The following DNM2 variants were observed in gnomAD, a reference collection of about 807,000 sequenced individuals.
DNM2 encodes the protein dynamin 2, also known as dynamin-2.
In DNM2, 15 loss-of-function variants were observed where a neutral mutation model predicts 99.0. The ratio of observed to expected loss-of-function variants is 0.15; its 90% CI spans 0.10 to 0.23. DNM2 has a LOEUF of 0.23. DNM2 is among the 10% of genes least tolerant of loss of function. DNM2 has a pLI of 1.00. For missense variants in DNM2, 742 were observed against 1,189.4 expected, an observed-to-expected ratio of 0.62 and a Z score of 5.53; for synonymous variants, 525 against 481.2, an observed-to-expected ratio of 1.09 and a Z score of -1.19.
At chr19:10,786,903 C>T (rs537984427) in intron 7 of DNM2, among the ~76,000 whole-genome samples, 197 bp downstream of exon 7, 21 of 152,348 alleles carry the variant, frequency 1.4e-4, no homozygotes, top group African/African-American at 5.1e-4. Context: ...TCCGTCCCTG[C>T]CCCTGGAGTG....
chr19:10,751,121 T>C (rs1012907227), intron 1 of DNM2, among the ~76,000 whole-genome samples: 5 of 148,354 alleles, frequency 3.4e-5, no homozygotes, highest in Non-Finnish European at 7.5e-5. Context: ...AAATGAGGCA[T>C]GGGGGGTGGA....
At chr19:10,750,445 C>T (rs991589327) in intron 1 of DNM2, among the ~76,000 whole-genome samples, 26 of 151,848 alleles carry the variant, frequency 1.7e-4, no homozygotes, top group Non-Finnish European at 2.4e-4. Context: ...TGCCACTGCA[C>T]TCCAGACTGG....
At chr19:10,750,949 C>T (rs2070171769) in intron 1 of DNM2, among the ~76,000 whole-genome samples, 1 of 151,750 alleles carries the variant, frequency 6.6e-6, no homozygotes, top group African/African-American at 2.4e-5. Flanking sequence ...CTCCTGTGTG[C>T]CAGCCCTACT....
chr19:10,802,400 C>T, intron 12 of DNM2, 42 bp downstream of exon 12: 1 of 1,601,336 alleles, frequency 6.2e-7, no homozygotes. Context: ...GGCACCAATC[C>T]TCACTCTCAG....
intron 15 of DNM2, among the ~76,000 whole-genome samples, chr19:10,815,910 C>T (rs1157320600): frequency 1.3e-5 from 2 of 152,108 alleles, no homozygotes; most frequent in African/African-American, 4.8e-5. Context: ...CCCGGCTGGC[C>T]CCAGGGAGAA....
At chr19:10,806,027 A>T in intron 13 of DNM2, 60 bp downstream of exon 13, 1 of 1,605,942 alleles carries the variant, frequency 6.2e-7, no homozygotes, top group South Asian at 1.1e-5. Context: ...GCTAAGTGAC[A>T]GCTAAGCCCC....
chr19:10,759,753 C>A lies in DNM2; in HGVS notation c.177C>A (p.Arg59=), dbSNP rs762795230. ...ENFVGRDFLP[R]GSGIVTRRPL... is the part of the protein sequence containing the mutation. ...CCCCTCACAGGGACTTCCTTCCCCG[C>A]GGTTCAGGAATCGTCACCCGGCGGC... Residue 59 remains arginine (R), a synonymous_variant, in exon 2 of 21, where the codon CGC becomes CGA. Transcript: ENST00000389253. 15 of 1,614,026 alleles carry A rather than the reference C, an allele frequency of 9.3e-6. No individual in the cohort carries two copies. The highest frequency in any genetic ancestry group is 4.5e-5 in the East Asian group (2 of 44,894).
At position 10,775,697 on chromosome 19, in the gene DNM2, T is replaced by A. The variant is rs114623441; in HGVS notation, c.386-6T>A. 343 of 1,614,076 alleles carry A rather than the reference T, an allele frequency of 2.1e-4. 2 individuals carry two copies. In the African/African-American group the frequency reaches 4.1e-3, roughly 19 times the overall value. Reference sequence around the variant, plus strand: ...TGAATGCCTTTCCTTCTGGTTTCCCTCCCAGTGTTGAACTTGACCCTCATC... The same window carrying A: ...TGAATGCCTTTCCTTCTGGTTTCCCACCCAGTGTTGAACTTGACCCTCATC... On this transcript the variant is annotated splice_region_variant and splice_polypyrimidine_tract_variant and intron_variant, in intron 3 of 20. Transcript: ENST00000389253. The surrounding 1 kb of genome is among the most constrained non-coding windows in gnomAD (Gnocchi z 4.3).
intron 7 of DNM2, among the ~76,000 whole-genome samples, chr19:10,793,098 G>T (rs1198321293): frequency 6.6e-6 from 1 of 152,110 alleles, no homozygotes; most frequent in Admixed American, 6.5e-5. Context: ...TACCATTAGT[G>T]GCAGCATTTT....
At chr19:10,746,116 A>AC (rs1480129354) in intron 1 of DNM2, among the ~76,000 whole-genome samples, 1 of 151,584 alleles carries the variant, frequency 6.6e-6, no homozygotes, top group Non-Finnish European at 1.5e-5. Context: ...ACGCCACCAC[A>AC]CCCCACTAAT....
rs200002469 is a variant in DNM2, at chr19:10,775,814, G to A, written c.497G>A (p.Arg166Gln). The change falls in exon 4 of 21, where the codon CGG becomes CAG. Residue 166 changes from arginine (R) to glutamine (Q), a missense_variant. Coordinates refer to ENST00000389253, the MANE Select transcript of DNM2 (RefSeq NM_001005361.3). The surrounding 1 kb of genome is among the most constrained non-coding windows in gnomAD (Gnocchi z 4.3). ...IKDMILQFIS[R>Q]ESSLILAVTP... ...GACATGATCCTGCAGTTCATCAGCC[G>A]GGAGAGCAGCCTCATTCTGGCTGTC... 69 of 1,613,986 alleles carry A rather than the reference G, an allele frequency of 4.3e-5. No homozygotes were observed. The highest frequency in any genetic ancestry group is 8.0e-5 in the African/African-American group (6 of 74,908).
chr19:10,814,426 T>C (rs1294760015), intron 15 of DNM2, among the ~76,000 whole-genome samples: 1 of 152,082 alleles, frequency 6.6e-6, no homozygotes, highest in Non-Finnish European at 1.5e-5. Flanking sequence ...ATTGCGCCAT[T>C]GCACTCCAGC....
At chr19:10,804,286 C>T (rs2072260016) in intron 12 of DNM2, among the ~76,000 whole-genome samples, 1 of 152,156 alleles carries the variant, frequency 6.6e-6, no homozygotes, top group African/African-American at 2.4e-5. Flanking sequence ...CCAGCCATCA[C>T]TGTGGAGGTT....
At chr19:10,813,789 G>A (rs1441064298) in intron 15 of DNM2, among the ~76,000 whole-genome samples, 2 of 149,900 alleles carry the variant, frequency 1.3e-5, no homozygotes, top group Non-Finnish European at 3.0e-5. Context: ...TCACACCACT[G>A]CACTCCAGCC....
intron 14 of DNM2, chr19:10,810,148 A>C (rs972656035): frequency 5.2e-5 from 8 of 153,168 alleles, no homozygotes; most frequent in African/African-American, 1.9e-4. Flanking sequence ...AGACTGGAGC[A>C]GCCTGCCAGA....
At chr19:10,819,486 C>T (rs1032496074) in intron 15 of DNM2, among the ~76,000 whole-genome samples, 3 of 152,174 alleles carry the variant, frequency 2.0e-5, no homozygotes, top group Admixed American at 6.5e-5. Context: ...AGGCGAGGGG[C>T]AGTTGTGTTG....
At chr19:10,802,066 C>T (rs2072170075) in intron 11 of DNM2, among the ~76,000 whole-genome samples, 1 of 152,168 alleles carries the variant, frequency 6.6e-6, no homozygotes, top group South Asian at 2.1e-4. Context: ...GACAGCGGCC[C>T]TGCCTGTGAC....
intron 5 of DNM2, among the ~76,000 whole-genome samples, chr19:10,777,783 CG>C (rs1287736130): frequency 6.6e-6 from 1 of 151,816 alleles, no homozygotes; most frequent in Non-Finnish European, 1.5e-5. Context: ...TTACTAGAGA[CG>C]GGGTTTCACT....
At chr19:10,743,642 C>G (rs1344292301) in intron 1 of DNM2, among the ~76,000 whole-genome samples, 1 of 151,638 alleles carries the variant, frequency 6.6e-6, no homozygotes, top group Non-Finnish European at 1.5e-5. Context: ...AACTCCGTCT[C>G]TACTAAAAAT....
Sources: gnomAD v4.1 joint callset for allele counts (sites outside exome capture counted in the v4.1 genomes callset) on GRCh38, gnomAD v4.1.1 for gene constraint, Gnocchi (gnomAD v3.1) non-coding constraint, MANE v1.5 for transcripts, NCBI Gene and HGNC (gene_info 2026-07-23, HGNC 2026-07-21) for gene names.